EHMT1: variants seen among roughly 807,000 people sequenced by gnomAD.
The protein encoded by EHMT1 is euchromatic histone lysine methyltransferase 1, also known as histone-lysine N-methyltransferase EHMT1.
A neutral mutation model predicts 147.2 loss-of-function variants in EHMT1; 15 were observed. The observed-to-expected ratio is 0.10, with a 90% CI of 0.07 to 0.16. EHMT1 has a LOEUF of 0.16. EHMT1 is among the 10% of genes least tolerant of loss of function. The pLI is 1.00. For synonymous variants in EHMT1, 795 were observed against 709.6 expected, an observed-to-expected ratio of 1.12 and a Z score of -1.91; for missense variants, 1,587 against 1,772.4, an observed-to-expected ratio of 0.90 and a Z score of 1.88.
chr9:137,761,864 G>A (rs544749754), intron 9 of EHMT1, among the ~76,000 whole-genome samples: 2 of 152,362 alleles, frequency 1.3e-5, no homozygotes, highest in African/African-American at 4.8e-5. Flanking sequence ...CGTGAAATGC[G>A]ATCTGGCTTC....
intron 6 of EHMT1, among the ~76,000 whole-genome samples, chr9:137,744,651 A>C (rs1441135176): frequency 1.3e-5 from 2 of 152,174 alleles, no homozygotes; most frequent in East Asian, 1.9e-4. Flanking sequence ...GATTGACAGG[A>C]ATGATATTGC....
At chr9:137,815,048 A>G (rs1954811633) in intron 22 of EHMT1, among the ~76,000 whole-genome samples, 1 of 151,026 alleles carries the variant, frequency 6.6e-6, no homozygotes, top group African/African-American at 2.4e-5. Flanking sequence ...CAGGGGAGGG[A>G]TGTCTAAGCA....
intron 24 of EHMT1, 178 bp downstream of exon 24, chr9:137,817,703 C>T: frequency 1.3e-6 from 1 of 765,034 alleles, no homozygotes; most frequent in South Asian, 1.7e-5. Flanking sequence ...CCTCAGTCCT[C>T]TTGCTGCTGC....
chr9:137,669,256 GTGCTTAC>G (rs979447150), intron 1 of EHMT1, among the ~76,000 whole-genome samples: 9 of 147,944 alleles, frequency 6.1e-5, no homozygotes, highest in Non-Finnish European at 1.0e-4. Flanking sequence ...TTCTCGCCCA[GTGCTTAC>G]TGCTTGCTGG....
At chr9:137,747,611 C>T (rs1948652069) in intron 6 of EHMT1, 1 of 152,202 alleles carries the variant, frequency 6.6e-6, no homozygotes, top group Non-Finnish European at 1.5e-5. Context: ...AGAAAAACTA[C>T]ACAACGTATA....
intron 1 of EHMT1, among the ~76,000 whole-genome samples, chr9:137,691,727 C>T (rs569758923): frequency 2.0e-5 from 3 of 152,198 alleles, no homozygotes; most frequent in Admixed American, 6.5e-5. Context: ...ACTAGCAGCA[C>T]GCAAGGGTTC....
chr9:137,813,380 T>C lies in EHMT1; in HGVS notation c.3036-6T>C. Reference sequence around the variant, plus strand: ...CACCAGGTGACACCTGTCCTTTCCATGGCAGGGACATCGCTCGAGGCTACG... The same window carrying C: ...CACCAGGTGACACCTGTCCTTTCCACGGCAGGGACATCGCTCGAGGCTACG... On this transcript the variant is annotated splice_polypyrimidine_tract_variant and splice_region_variant and intron_variant, in intron 20 of 26. Coordinates refer to ENST00000460843, the MANE Select transcript of EHMT1 (RefSeq NM_024757.5). This position sits in a 1 kb window ranked among gnomAD's most constrained non-coding sequence, Gnocchi z 4.9. 6.2e-7 allele frequency: 1 copy of C among 1,609,740 alleles called. No homozygotes were observed. The highest frequency in any genetic ancestry group is 1.1e-5 in the South Asian group (1 of 90,428).
intron 1 of EHMT1, chr9:137,637,488 T>C (rs944436778): frequency 6.6e-6 from 1 of 152,082 alleles, no homozygotes; most frequent in Admixed American, 6.6e-5. Flanking sequence ...AAAAATTTTT[T>C]AATTTTATTT....
chr9:137,651,772 G>C (rs1344234050), intron 1 of EHMT1, among the ~76,000 whole-genome samples: 1 of 152,132 alleles, frequency 6.6e-6, no homozygotes, highest in East Asian at 1.9e-4. Context: ...TCCAGCCTGA[G>C]TGACAGCGAG....
chr9:137,818,554 A>AGGGG (rs2132821466), intron 25 of EHMT1, among the ~76,000 whole-genome samples: 3 of 131,688 alleles, frequency 2.3e-5, no homozygotes, highest in African/African-American at 3.2e-5. Context: ...AGGCCGACTG[A>AGGGG]GGGGCGCCGT....
At chr9:137,650,181 C>G (rs1845207479) in intron 1 of EHMT1, among the ~76,000 whole-genome samples, 2 of 152,244 alleles carry the variant, frequency 1.3e-5, no homozygotes, top group Middle Eastern at 3.4e-3. Context: ...TCACTGCAGC[C>G]TCAAACTCCC....
At chr9:137,794,136 C>G (rs1312120268) in intron 16 of EHMT1, among the ~76,000 whole-genome samples, 1 of 152,172 alleles carries the variant, frequency 6.6e-6, no homozygotes, top group Admixed American at 6.5e-5. Flanking sequence ...TAAACTTTCA[C>G]TGTTTTCTCA....
At chr9:137,793,010 G>A (rs62589739) in intron 16 of EHMT1, among the ~76,000 whole-genome samples, 301 of 152,290 alleles carry the variant, frequency 2.0e-3, no homozygotes, top group Non-Finnish European at 3.4e-3. Flanking sequence ...GGTTTCATGC[G>A]CGGCAAAGCA....
At chr9:137,795,507 C>A (rs908673258) in intron 16 of EHMT1, among the ~76,000 whole-genome samples, 1 of 152,070 alleles carries the variant, frequency 6.6e-6, no homozygotes, top group Admixed American at 6.6e-5. Flanking sequence ...CACACCCATT[C>A]ACCTAACATG....
intron 1 of EHMT1, among the ~76,000 whole-genome samples, chr9:137,649,112 T>C (rs1444122825): frequency 6.6e-6 from 1 of 152,148 alleles, no homozygotes; most frequent in Admixed American, 6.5e-5. Flanking sequence ...TCAGAAATAG[T>C]GTTCTCCCAA....
chr9:137,647,457 C>A (rs529477210), intron 1 of EHMT1, among the ~76,000 whole-genome samples: 2 of 152,272 alleles, frequency 1.3e-5, no homozygotes, highest in Non-Finnish European at 2.9e-5. Flanking sequence ...TTCTGCACTC[C>A]ATGGCTGTAA....
At position 137,775,057 on chromosome 9, in the gene EHMT1, A is replaced by G. The variant is rs932736927; in HGVS notation, c.1648-52A>G. The G allele has an allele frequency of 4.3e-6, 7 of 1,613,034 alleles. No homozygotes were observed. The highest frequency in any genetic ancestry group is 5.9e-6 in the Non-Finnish European group (7 of 1,179,660). On this transcript the variant is annotated intron_variant, in intron 10 of 26. Transcript: ENST00000460843. This position sits in a 1 kb window ranked among gnomAD's most constrained non-coding sequence, Gnocchi z 6.1. ...ACTGCCCAGCGCCTGGTGGGAGGGA[A>G]TGCCGGCCTCTCGTGACTCTGACAT...
At chr9:137,636,750 T>C (rs1019022004) in intron 1 of EHMT1, among the ~76,000 whole-genome samples, 3 of 152,222 alleles carry the variant, frequency 2.0e-5, no homozygotes, top group Non-Finnish European at 4.4e-5. Context: ...GGGTATGTTA[T>C]CTAATCCTTT....
At chr9:137,742,093 C>G (rs759745494) in intron 4 of EHMT1, among the ~76,000 whole-genome samples, 10 of 152,186 alleles carry the variant, frequency 6.6e-5, no homozygotes, top group Non-Finnish European at 1.3e-4. Context: ...GAGCCTGACC[C>G]CCATGAACAT....
Sources: allele counts gnomAD v4.1 joint callset (sites outside exome capture counted in the v4.1 genomes callset), GRCh38; gene constraint gnomAD v4.1.1; non-coding constraint Gnocchi (gnomAD v3.1); transcripts MANE v1.5; gene names NCBI Gene and HGNC (gene_info 2026-07-23, HGNC 2026-07-21).